The following RASSF3 variants were observed in gnomAD, a reference collection of about 807,000 sequenced individuals.
The protein encoded by RASSF3 is ras association domain-containing protein 3.
RASSF3 carries 19 observed loss-of-function variants against 19.9 expected under a neutral mutation model. That is an observed-to-expected ratio of 0.96 (90% CI 0.67 to 1.40). The LOEUF (loss-of-function observed/expected upper bound fraction) is 1.40, where lower values mean the gene tolerates loss of function less well. RASSF3 is among the 40% of genes most tolerant of loss of function. RASSF3 has a pLI of 0.00. For synonymous variants in RASSF3, 110 were observed against 104.2 expected, an observed-to-expected ratio of 1.06 and a Z score of -0.34; for missense variants, 306 against 289.8, an observed-to-expected ratio of 1.06 and a Z score of -0.41.
intron 2 of RASSF3, among the ~76,000 whole-genome samples, chr12:64,572,203 C>T (rs1013099793): frequency 5.8e-4 from 88 of 151,968 alleles, no homozygotes; most frequent in African/African-American, 2.1e-3. Flanking sequence ...ATGTTGAAAC[C>T]CTAACACCTA....
intron 1 of RASSF3, among the ~76,000 whole-genome samples, chr12:64,615,505 C>G (rs1378428488): frequency 1.3e-5 from 2 of 152,136 alleles, no homozygotes; most frequent in East Asian, 3.8e-4. Flanking sequence ...TTTTCTCTTT[C>G]TTATTCAAAT....
In RASSF3 at chr12:64,695,275, A is replaced by G. The variant is rs1868338749; in HGVS notation, c.*363A>G. 1 of 174,332 alleles carries G rather than the reference A, an allele frequency of 5.7e-6. No homozygotes were observed. The highest frequency in any genetic ancestry group is 1.2e-5 in the Non-Finnish European group (1 of 82,952). 10.8% of individuals were successfully genotyped at this position (174,332 alleles called of 1,614,324 possible). On this transcript the variant is annotated 3_prime_UTR_variant, in exon 5 of 5. Transcript: ENST00000542104. The stretch of plus-strand genomic sequence containing the variant: ...TTACAGATATGCAGTTGATTTTTTA[A>G]AAAGCTTAACTAGGAATCTTTCTGA...
intron 2 of RASSF3, among the ~76,000 whole-genome samples, chr12:64,600,160 A>C (rs59911031): frequency 0.042 from 6,399 of 152,086 alleles, 462 homozygotes; most frequent in African/African-American, 0.15. Flanking sequence ...AGAAGTTAAA[A>C]AAACAAACAA....
At chr12:64,678,479 T>A (rs1872986927) in intron 1 of RASSF3, among the ~76,000 whole-genome samples, 1 of 152,142 alleles carries the variant, frequency 6.6e-6, no homozygotes, top group South Asian at 2.1e-4. Context: ...GACCTCCTAG[T>A]GGCAGTGTGA....
At chr12:64,519,246 A>G (rs961907749) in intron 1 of RASSF3, among the ~76,000 whole-genome samples, 3 of 152,086 alleles carry the variant, frequency 2.0e-5, no homozygotes, top group Non-Finnish European at 4.4e-5. Flanking sequence ...CTAAAAATAG[A>G]AAAGTTAGCT....
chr12:64,592,668 G>T (rs551156632), intron 2 of RASSF3, among the ~76,000 whole-genome samples: 3 of 151,828 alleles, frequency 2.0e-5, no homozygotes, highest in Non-Finnish European at 2.9e-5. Context: ...ATAGGGTCTT[G>T]CTCTGTTGCC....
chr12:64,595,064 C>CTTTTTTTTTTTTTTTTTT (rs1171762487), intron 2 of RASSF3, among the ~76,000 whole-genome samples: 1 of 90,950 alleles, frequency 1.1e-5, no homozygotes, highest in Non-Finnish European at 2.0e-5. Flanking sequence ...CATATGAAAT[C>CTTTTTTTTTTTTTTTTTT]TTTTTTTTTT....
chr12:64,583,613 C>A (rs1167101602), intron 2 of RASSF3, among the ~76,000 whole-genome samples: 3 of 152,164 alleles, frequency 2.0e-5, no homozygotes, highest in Non-Finnish European at 2.9e-5. Flanking sequence ...CAGAGTGAGA[C>A]TCCGTCTCAA....
intron 1 of RASSF3, among the ~76,000 whole-genome samples, chr12:64,508,787 A>G (rs1455015696): frequency 3.3e-5 from 5 of 152,104 alleles, no homozygotes; most frequent in African/African-American, 4.8e-5. Flanking sequence ...GGGAGGCAGA[A>G]GCAGGAGAAT....
intron 1 of RASSF3, among the ~76,000 whole-genome samples, chr12:64,617,562 T>C (rs1870593687): frequency 6.6e-6 from 1 of 152,158 alleles, no homozygotes; most frequent in African/African-American, 2.4e-5. Context: ...TATACATTGA[T>C]TGATTGATTG....
intron 2 of RASSF3, among the ~76,000 whole-genome samples, chr12:64,560,918 C>G (rs1336723515): frequency 6.6e-6 from 1 of 152,166 alleles, no homozygotes; most frequent in Non-Finnish European, 1.5e-5. Flanking sequence ...GCTGCTCAGC[C>G]TGGTTGATGG....
At chr12:64,534,724 G>C (rs569957893) in intron 1 of RASSF3, among the ~76,000 whole-genome samples, 1 of 152,232 alleles carries the variant, frequency 6.6e-6, no homozygotes, top group South Asian at 2.1e-4. Context: ...AGGGTGGGAA[G>C]GGGTGGAATG....
intron 3 of RASSF3, among the ~76,000 whole-genome samples, chr12:64,689,118 G>A (rs1057164510): frequency 2.6e-5 from 4 of 152,144 alleles, no homozygotes; most frequent in African/African-American, 4.8e-5. Flanking sequence ...AAATTACTGC[G>A]TGAAACAGAA....
intron 2 of RASSF3, among the ~76,000 whole-genome samples, chr12:64,558,532 T>G (rs571081901): frequency 3.3e-5 from 5 of 152,266 alleles, no homozygotes; most frequent in African/African-American, 1.2e-4. Flanking sequence ...CTTACAACCA[T>G]AGTCAAGCAT....
rs1268521761 is a variant in RASSF3 at position 64,675,051 on chromosome 12, C to G, written c.112-9736C>G. On this transcript the variant is annotated intron_variant, in intron 1 of 4. Coordinates refer to ENST00000542104, the MANE Select transcript of RASSF3 (RefSeq NM_178169.4). Reference sequence around the variant, plus strand: ...TGTCTAAAATACCCACCTAGCCCCCCCCCCCCCCGCCACCCCGGCTTCTTG... The same window carrying G: ...TGTCTAAAATACCCACCTAGCCCCCGCCCCCCCCGCCACCCCGGCTTCTTG... 3.4e-4 allele frequency among the ~76,000 whole-genome samples: 40 copies of G among 118,166 alleles called. 7 individuals are homozygous for G. The highest frequency in any genetic ancestry group is 6.4e-4 in the Non-Finnish European group (35 of 54,626). 77.5% of individuals were successfully genotyped at this position (118,166 alleles called of 152,430 possible).
At chr12:64,651,192 T>C (rs976917745) in intron 1 of RASSF3, among the ~76,000 whole-genome samples, 1 of 152,186 alleles carries the variant, frequency 6.6e-6, no homozygotes, top group Non-Finnish European at 1.5e-5. Flanking sequence ...GTGTCCCCTC[T>C]TTTAAAAAAA....
rs116668038 is a variant in RASSF3, at chr12:64,512,342, G to A, written c.169+5013G>A. ...TAAAAGCAAATAAATGATCAGCCGG[G>A]CACAGTGGCGCATGCCTTTAGTCCT... On this transcript the variant is annotated intron_variant, in intron 1 of 5. Coordinates refer to the RASSF3 transcript ENST00000637125. Among the ~76,000 whole-genome samples, 883 of 152,222 alleles carry A rather than the reference G, an allele frequency of 5.8e-3. 6 individuals carry two copies. Among genetic ancestry groups the A allele is most frequent in the African/African-American group, 0.02 (847 of 41,528 alleles).
At chr12:64,607,921 A>AT (rs766753850), upstream of RASSF3, among the ~76,000 whole-genome samples, 9 of 150,414 alleles carry the variant, frequency 6.0e-5, no homozygotes, top group Non-Finnish European at 8.9e-5. Flanking sequence ...ACATTGGCTA[A>AT]TTTTTTTTTG....
intron 2 of RASSF3, among the ~76,000 whole-genome samples, chr12:64,574,297 C>T (rs951739942): frequency 1.4e-5 from 2 of 145,734 alleles, no homozygotes; most frequent in East Asian, 2.0e-4. Flanking sequence ...GGCGACAGAG[C>T]GAGACTCTGT....
Sources: allele counts gnomAD v4.1 joint callset (sites outside exome capture counted in the v4.1 genomes callset), GRCh38; gene constraint gnomAD v4.1.1; transcripts MANE v1.5; gene names NCBI Gene and HGNC (gene_info 2026-07-23, HGNC 2026-07-21).